NRN1: variants seen among roughly 807,000 people sequenced by gnomAD.
NRN1 encodes neuritin 1.
In NRN1, 4 loss-of-function variants were observed where a neutral mutation model predicts 15.0. The observed-to-expected ratio is 0.27, with a 90% confidence interval of 0.13 to 0.61. The LOEUF is 0.61. NRN1 is among the 20% of genes least tolerant of loss of function. The probability of loss-of-function intolerance (pLI) is 0.87; values close to 1 mark genes in which losing one functional copy is unlikely to be tolerated. For synonymous variants in NRN1, 85 were observed against 79.8 expected (o/e 1.07, Z -0.35); for missense variants, 134 against 181.9 (o/e 0.74, Z 1.51).
At chr6:6,002,320 A>G in intron 2 of NRN1, 33 bp downstream of exon 2, 3 of 1,610,340 alleles carry the variant, frequency 1.9e-6, no homozygotes, top group Non-Finnish European at 2.5e-6. Context: ...CGCCCCCAAA[A>G]CCGAAGTCCA....
chr6:6,003,653 C>CAAGCCCCCG, intron 1 of NRN1: 1 of 1,183,816 alleles, frequency 8.4e-7, no homozygotes, highest in Non-Finnish European at 1.1e-6. Flanking sequence ...CCCAAGCCCC[C>CAAGCCCCCG]GGCCTCTGGA....
chr6:6,003,653 C>A, intron 1 of NRN1: 1 of 1,183,816 alleles, frequency 8.4e-7, no homozygotes, highest in East Asian at 3.2e-5. Context: ...CCCAAGCCCC[C>A]GGCCTCTGGA....
In NRN1 at chr6:6,006,850, G is replaced by T; in HGVS notation, c.-101C>A. On this transcript the variant is annotated 5_prime_UTR_variant, in exon 1 of 3. Transcript: ENST00000244766. Reference sequence around the variant, plus strand: ...AATAGGCATTGCCAACAAGTTCCGGGAGCGACAGAGACTTTATGCACTGGG... The same window carrying T: ...AATAGGCATTGCCAACAAGTTCCGGTAGCGACAGAGACTTTATGCACTGGG... The T allele has an allele frequency of 1.0e-6, 1 of 997,400 alleles. No individual in the cohort carries two copies. Among genetic ancestry groups the T allele is most frequent in the Non-Finnish European group, 1.6e-6 (1 of 621,944 alleles). 61.8% of individuals were successfully genotyped at this position (997,400 alleles called of 1,614,324 possible).
intron 1 of NRN1, among the ~76,000 whole-genome samples, chr6:6,004,668 A>T (rs1302892650): frequency 6.6e-6 from 1 of 152,176 alleles, no homozygotes; most frequent in East Asian, 1.9e-4. Context: ...GGAGGCCGGG[A>T]GGCTGCGCGC....
intron 1 of NRN1, among the ~76,000 whole-genome samples, chr6:6,004,227 C>T (rs1274138155): frequency 6.6e-6 from 1 of 152,218 alleles, no homozygotes; most frequent in Non-Finnish European, 1.5e-5. Context: ...ATTAAATACC[C>T]TTGCGACTAC....
intron 1 of NRN1, among the ~76,000 whole-genome samples, chr6:6,006,339 A>G (rs1035928349): frequency 3.9e-4 from 60 of 152,216 alleles, no homozygotes; most frequent in African/African-American, 1.4e-3. Flanking sequence ...ACTCTTCAAA[A>G]TCATATCTTG....
At chr6:6,003,810 C>G (rs1048280611) in intron 1 of NRN1, 49 of 1,233,702 alleles carry the variant, frequency 4.0e-5, no homozygotes, top group Non-Finnish European at 3.5e-5. Flanking sequence ...GCCGGGAGGG[C>G]GCCAGAGAAG....
intron 1 of NRN1, among the ~76,000 whole-genome samples, chr6:6,004,298 A>G (rs1758049219): frequency 6.6e-6 from 1 of 152,228 alleles, no homozygotes. Flanking sequence ...TTGTTCTGAT[A>G]GAGCTCGTTC....
At chr6:6,004,309 A>C (rs1379034784) in intron 1 of NRN1, among the ~76,000 whole-genome samples, 1 of 152,256 alleles carries the variant, frequency 6.6e-6, no homozygotes, top group African/African-American at 2.4e-5. Flanking sequence ...GAGCTCGTTC[A>C]AAATGGAAAT....
At chr6:6,006,249 C>T (rs1294498791) in intron 1 of NRN1, among the ~76,000 whole-genome samples, 1 of 152,210 alleles carries the variant, frequency 6.6e-6, no homozygotes, top group African/African-American at 2.4e-5. Context: ...GCAGTCTGAG[C>T]CCTGGAATAT....
At position 6,000,722 on chromosome 6, in the gene NRN1, CTTTTTTTT is replaced by C. The variant is rs55712329; in HGVS notation, c.201-1526_201-1519del. ...CCTGCTAAAGGATGCCTAAATTGCT[CTTTTTTTT>C]TTTTTTTTTTTTTTTTTTATGTACG... On this transcript the variant is annotated intron_variant, in intron 2 of 2. Transcript: ENST00000244766. 7.9e-3 allele frequency among the ~76,000 whole-genome samples: 479 copies of C among 60,852 alleles called. 13 individuals carry two copies. The highest frequency in any genetic ancestry group is 0.03 in the African/African-American group (444 of 14,968). The allele number at this position is 60,852 out of a possible 152,430, so 39.9% of individuals were successfully genotyped here. A position where few individuals can be genotyped will look rare whatever the true frequency, so the allele number is the denominator to read the frequency against.
At chr6:6,003,194 C>T (rs1758008172) in intron 1 of NRN1, 1 of 1,234,398 alleles carries the variant, frequency 8.1e-7, no homozygotes, top group South Asian at 4.1e-5. Flanking sequence ...CCGAGTGAGA[C>T]CCTCGGATGC....
At chr6:6,006,151 A>G (rs527647600) in intron 1 of NRN1, among the ~76,000 whole-genome samples, 33 of 152,242 alleles carry the variant, frequency 2.2e-4, no homozygotes, top group Admixed American at 1.9e-3. Context: ...CGATTTGCCC[A>G]CCAGCCGGGT....
chr6:5,998,748 C>T lies in NRN1; in HGVS notation c.*228G>A. ...TGTGAAGACGGACTAAAGCTGAGGT[C>T]CGATTTTGGCTGTGCTTGCTTGCTC... On this transcript the variant is annotated 3_prime_UTR_variant, in exon 3 of 3. Coordinates refer to ENST00000244766, the MANE Select transcript of NRN1 (RefSeq NM_016588.3). 1.9e-6 allele frequency: 1 copy of T among 515,330 alleles called. No individual in the cohort carries two copies. Among genetic ancestry groups the T allele is most frequent in the Non-Finnish European group, 3.4e-6 (1 of 290,108 alleles). The allele number at this position is 515,330 out of a possible 1,614,324, so 31.9% of individuals were successfully genotyped here.
chr6:6,003,197 T>A, intron 1 of NRN1: 1 of 1,234,326 alleles, frequency 8.1e-7, no homozygotes, highest in Non-Finnish European at 1.0e-6. Flanking sequence ...AGTGAGACCC[T>A]CGGATGCACC....
intron 1 of NRN1, chr6:6,003,758 C>A (rs1758031460): frequency 3.2e-6 from 4 of 1,234,124 alleles, no homozygotes; most frequent in African/African-American, 1.6e-5. Context: ...CCGACGAACC[C>A]GGCTGGAAGC....
chr6:6,004,993 C>T (rs1758068890), intron 1 of NRN1, among the ~76,000 whole-genome samples: 1 of 148,900 alleles, frequency 6.7e-6, no homozygotes, highest in Admixed American at 6.7e-5. Flanking sequence ...TTAATAAAGA[C>T]CGAGGTTCTG....
intron 2 of NRN1, among the ~76,000 whole-genome samples, chr6:5,999,878 C>T (rs1757890521): frequency 6.6e-6 from 1 of 152,170 alleles, no homozygotes; most frequent in Non-Finnish European, 1.5e-5. Flanking sequence ...CTGGATCCTC[C>T]TTGCTCTCCA....
intron 2 of NRN1, among the ~76,000 whole-genome samples, chr6:6,000,485 C>T (rs1455689061): frequency 6.6e-6 from 1 of 152,172 alleles, no homozygotes; most frequent in Non-Finnish European, 1.5e-5. Flanking sequence ...CAGGCACCTG[C>T]CTTCTACATG....
Sources: allele counts gnomAD v4.1 joint callset (sites outside exome capture counted in the v4.1 genomes callset), GRCh38; gene constraint gnomAD v4.1.1; transcripts MANE v1.5; gene names NCBI Gene and HGNC (gene_info 2026-07-23, HGNC 2026-07-21).